RAB3GAP2: variants seen among roughly 807,000 people sequenced by gnomAD.
The protein encoded by RAB3GAP2 is rab3 GTPase-activating protein non-catalytic subunit.
In RAB3GAP2, 87 loss-of-function variants were observed where a neutral mutation model predicts 185.3. That is an observed-to-expected ratio of 0.47 (90% confidence interval 0.39 to 0.56). The LOEUF (loss-of-function observed/expected upper bound fraction) is 0.56. Among genes scored for constraint, RAB3GAP2 ranks in the 20% least tolerant of loss-of-function variants. RAB3GAP2 has a pLI of 0.00. For synonymous variants in RAB3GAP2, 554 were observed against 576.1 expected (o/e 0.96, Z 0.55); for missense variants, 1,492 against 1,638.2 (o/e 0.91, Z 1.54).
At chr1:220,255,789 G>A (rs528205831) in intron 1 of RAB3GAP2, among the ~76,000 whole-genome samples, 1 of 152,282 alleles carries the variant, frequency 6.6e-6, no homozygotes, top group South Asian at 2.1e-4. Context: ...CACATAAAGA[G>A]ACCAAATCTA....
In RAB3GAP2 at chr1:220,157,834, A is replaced by T. The variant is rs1469935386; in HGVS notation, c.3304T>A (p.Ser1102Thr). 4.3e-6 allele frequency: 7 copies of T among 1,613,742 alleles called. No homozygotes were observed. Among genetic ancestry groups the T allele is most frequent in the Non-Finnish European group, 5.1e-6 (6 of 1,179,668 alleles). ...SDTAMTSFLG[S>T]CLDLLQILME... ...AAGATCTGAAGAAGATCCAAACAGG[A>T]GCCGAGGAAAGATGTCATTGCTGTG... Residue 1102 changes from serine (S) to threonine (T), a missense_variant, in exon 30 of 35, where the codon TCC (serine) becomes ACC (threonine). Coordinates refer to ENST00000358951, the MANE Select transcript of RAB3GAP2 (RefSeq NM_012414.4).
In RAB3GAP2 at chr1:220,224,617, C is replaced by T. The variant is rs1377530305; in HGVS notation, c.180+8182G>A. ...ACACATGAATTTTACTCTCAGTCTC[C>T]CTAGCACCAGTAAGAACAACAGTAA... On this transcript the variant is annotated intron_variant, in intron 2 of 34. Coordinates refer to ENST00000358951, the MANE Select transcript of RAB3GAP2 (RefSeq NM_012414.4). 3.9e-5 allele frequency among the ~76,000 whole-genome samples: 6 copies of T among 152,016 alleles called. No individual in the cohort carries two copies. In the East Asian group the frequency reaches 1.2e-3, roughly 29 times the overall value.
At chr1:220,187,676 G>T (rs1035371686) in intron 17 of RAB3GAP2, among the ~76,000 whole-genome samples, 2 of 152,044 alleles carry the variant, frequency 1.3e-5, no homozygotes, top group East Asian at 3.9e-4. Context: ...ACGTGTAGAG[G>T]TTCCTGAATA....
chr1:220,235,192 A>T (rs1317678966), intron 1 of RAB3GAP2, among the ~76,000 whole-genome samples: 1 of 152,228 alleles, frequency 6.6e-6, no homozygotes, highest in Non-Finnish European at 1.5e-5. Flanking sequence ...GTTCTTATTT[A>T]AAAATAGAAA....
intron 32 of RAB3GAP2, chr1:220,153,700 C>A: frequency 2.3e-6 from 1 of 432,136 alleles, no homozygotes; most frequent in Non-Finnish European, 4.2e-6. Flanking sequence ...GTGCTGCACC[C>A]CTTAAGTCAT....
rs184224541 is a variant in RAB3GAP2, at chr1:220,187,626, C to T, written c.1780-1885G>A. 2.6e-5 allele frequency among the ~76,000 whole-genome samples: 4 copies of T among 152,138 alleles called. No homozygotes were observed. In the East Asian group the frequency reaches 5.8e-4, roughly 22 times the overall value. ...TTATATAATGAAGCTTCCATCAACA[C>T]CCAAAAGGACAAGGGTTGGAAGAGC... is the stretch of plus-strand genomic sequence containing the variant. On this transcript the variant is annotated intron_variant, in intron 17 of 34. Transcript: ENST00000358951.
intron 26 of RAB3GAP2, among the ~76,000 whole-genome samples, chr1:220,166,813 A>C (rs1658076965): frequency 6.6e-6 from 1 of 152,190 alleles, no homozygotes; most frequent in Admixed American, 6.5e-5. Context: ...TATTTGAACA[A>C]TCAGACACTA....
intron 4 of RAB3GAP2, among the ~76,000 whole-genome samples, chr1:220,212,391 G>A (rs995560252): frequency 6.6e-6 from 1 of 152,016 alleles, no homozygotes; most frequent in South Asian, 2.1e-4. Context: ...ATAATTACAC[G>A]ATATATAAAA....
At chr1:220,259,714 A>AT (rs1353656805) in intron 1 of RAB3GAP2, among the ~76,000 whole-genome samples, 1 of 152,224 alleles carries the variant, frequency 6.6e-6, no homozygotes. Context: ...GCCAAAAGCA[A>AT]TTGCAACAAA....
intron 1 of RAB3GAP2, among the ~76,000 whole-genome samples, chr1:220,245,214 T>C (rs1245649733): frequency 4.6e-5 from 7 of 151,252 alleles, no homozygotes; most frequent in Non-Finnish European, 1.5e-5. Context: ...CCAGCATGAG[T>C]GACACAGAAG....
In RAB3GAP2 at chr1:220,170,433, T is replaced by C. The variant is rs1658152733; in HGVS notation, c.2806+459A>G. The stretch of plus-strand genomic sequence containing the variant: ...AAGTATAATAATAAAAAAGTAGTTA[T>C]ATTTCCCAATGCAAAAAAAAAAAGG... On this transcript the variant is annotated intron_variant, in intron 24 of 34. Transcript: ENST00000358951. 2.0e-5 allele frequency among the ~76,000 whole-genome samples: 3 copies of C among 151,906 alleles called. No homozygotes were observed. The South Asian group carries it at 6.2e-4, about 32-fold the overall frequency.
chr1:220,164,160 T>C (rs1050520094), intron 27 of RAB3GAP2, among the ~76,000 whole-genome samples: 1 of 152,182 alleles, frequency 6.6e-6, no homozygotes, highest in African/African-American at 2.4e-5. Flanking sequence ...GTTGCTACAG[T>C]CTAATCTTAT....
intron 1 of RAB3GAP2, among the ~76,000 whole-genome samples, chr1:220,252,925 C>T (rs1197848444): frequency 1.3e-5 from 2 of 152,198 alleles, no homozygotes; most frequent in African/African-American, 2.4e-5. Context: ...GTGGGCCCCA[C>T]TTCCACGGCA....
At chr1:220,174,099 A>G (rs916050803) in intron 21 of RAB3GAP2, among the ~76,000 whole-genome samples, 2 of 152,084 alleles carry the variant, frequency 1.3e-5, no homozygotes, top group Non-Finnish European at 2.9e-5. Flanking sequence ...TTTAAAAAAA[A>G]GAACTAAAAT....
intron 1 of RAB3GAP2, among the ~76,000 whole-genome samples, chr1:220,262,326 C>A (rs554366353): frequency 1.3e-3 from 192 of 151,648 alleles, no homozygotes; most frequent in African/African-American, 4.4e-3. Context: ...AACAAACAAA[C>A]AAACAAAAAA....
intron 1 of RAB3GAP2, chr1:220,267,911 G>C: frequency 1.4e-6 from 1 of 738,514 alleles, no homozygotes; most frequent in Non-Finnish European, 2.5e-6. Context: ...CTTCAGATTG[G>C]TCCGTGATGC....
chr1:220,225,315 T>A (rs1295197097), intron 2 of RAB3GAP2, among the ~76,000 whole-genome samples: 1 of 152,146 alleles, frequency 6.6e-6, no homozygotes, highest in African/African-American at 2.4e-5. Flanking sequence ...AATGATCTTA[T>A]AGATCAAATG....
rs945543141 is a variant in RAB3GAP2 at position 220,265,715 on chromosome 1, A to T, written c.115+6508T>A. Among the ~76,000 whole-genome samples, 5 of 152,086 alleles carry T rather than the reference A, an allele frequency of 3.3e-5. No homozygotes were observed. The East Asian group carries it at 7.8e-4, about 24-fold the overall frequency. ...CCAGGTGGGAGGATCACTTAAGCCCAGGAGTTCAAGACCTGCTTGGGCAAC... is the reference window on the plus strand; with the variant it reads ...CCAGGTGGGAGGATCACTTAAGCCCTGGAGTTCAAGACCTGCTTGGGCAAC... On this transcript the variant is annotated intron_variant, in intron 1 of 34. Coordinates refer to ENST00000358951, the MANE Select transcript of RAB3GAP2 (RefSeq NM_012414.4).
chr1:220,190,036 T>TTTA (rs1558149582), intron 16 of RAB3GAP2, 28 bp downstream of exon 16: 1 of 1,509,492 alleles, frequency 6.6e-7, no homozygotes, highest in Non-Finnish European at 9.2e-7. Flanking sequence ...AACAATATGC[T>TTTA]TTATTATTTG....
Sources: allele counts gnomAD v4.1 joint callset (sites outside exome capture counted in the v4.1 genomes callset), GRCh38; gene constraint gnomAD v4.1.1; transcripts MANE v1.5; gene names NCBI Gene and HGNC (gene_info 2026-07-23, HGNC 2026-07-21).